The following SUCLG2 variants were observed in gnomAD, a reference collection of about 807,000 sequenced individuals.
SUCLG2 encodes the protein succinate-CoA ligase GDP-forming subunit beta.
A neutral mutation model predicts 47.9 loss-of-function variants in SUCLG2; 42 were observed. The observed-to-expected ratio is 0.88, with a 90% CI of 0.69 to 1.14. The LOEUF (loss-of-function observed/expected upper bound fraction) is 1.14, where lower values mean the gene tolerates loss of function less well. SUCLG2 is among the 50% of genes most tolerant of loss of function. The probability of loss-of-function intolerance (pLI) is 0.00; values close to 1 mark genes in which losing one functional copy is unlikely to be tolerated. For missense variants in SUCLG2, 571 were observed against 525.9 expected, an observed-to-expected ratio of 1.09 and a Z score of -0.84; for synonymous variants, 195 against 197.3, an observed-to-expected ratio of 0.99 and a Z score of 0.10.
intron 2 of SUCLG2, among the ~76,000 whole-genome samples, chr3:67,600,035 A>G (rs1708383356): frequency 6.6e-6 from 1 of 152,256 alleles, no homozygotes; most frequent in Non-Finnish European, 1.5e-5. Context: ...TCTTAAAAGC[A>G]TAATTCCATA....
intron 9 of SUCLG2, among the ~76,000 whole-genome samples, chr3:67,406,310 T>C (rs757457969): frequency 7.2e-5 from 11 of 152,200 alleles, no homozygotes; most frequent in South Asian, 2.1e-4. Context: ...CCTGTGCTTG[T>C]AGGCAGTAGC....
chr3:67,606,614 A>G (rs1208071794), intron 2 of SUCLG2, among the ~76,000 whole-genome samples: 1 of 152,212 alleles, frequency 6.6e-6, no homozygotes, highest in African/African-American at 2.4e-5. Context: ...TCTATTATCA[A>G]AGTTCACTGA....
intron 1 of SUCLG2, among the ~76,000 whole-genome samples, chr3:67,625,204 T>G (rs2107341806): frequency 6.6e-6 from 1 of 152,308 alleles, no homozygotes; most frequent in South Asian, 2.1e-4. Flanking sequence ...ATGACAGTTC[T>G]GGGAGTTGAT....
chr3:67,593,208 A>G (rs1024210029), intron 2 of SUCLG2, among the ~76,000 whole-genome samples: 3 of 152,364 alleles, frequency 2.0e-5, no homozygotes, highest in Non-Finnish European at 2.9e-5. Flanking sequence ...TCTCGCAATA[A>G]TAACTAAAAG....
intron 2 of SUCLG2, among the ~76,000 whole-genome samples, chr3:67,580,201 T>C (rs959662300): frequency 6.6e-6 from 1 of 152,160 alleles, no homozygotes; most frequent in Non-Finnish European, 1.5e-5. Flanking sequence ...TTTTCTAGCA[T>C]ATTCAGATAA....
intron 9 of SUCLG2, among the ~76,000 whole-genome samples, chr3:67,468,029 G>C (rs1191292489): frequency 6.6e-6 from 1 of 152,132 alleles, no homozygotes; most frequent in African/African-American, 2.4e-5. Flanking sequence ...GCTACAAGAG[G>C]GGCAAAAGTG....
intron 9 of SUCLG2, among the ~76,000 whole-genome samples, chr3:67,443,984 G>A (rs1319104642): frequency 2.8e-4 from 32 of 115,440 alleles, no homozygotes; most frequent in East Asian, 1.9e-3. Flanking sequence ...CCCCCGCCCG[G>A]CCAGCCGCCC....
intron 4 of SUCLG2, 50 bp from the exon 5 acceptor site, chr3:67,520,684 T>A: frequency 6.4e-7 from 1 of 1,552,466 alleles, no homozygotes; most frequent in Non-Finnish European, 8.7e-7. Context: ...AGCTGATTTC[T>A]ACTTGGAAAT....
chr3:67,467,151 A>G (rs919118063), intron 9 of SUCLG2, among the ~76,000 whole-genome samples: 2 of 152,182 alleles, frequency 1.3e-5, no homozygotes, highest in Admixed American at 1.3e-4. Flanking sequence ...GAATTTCTAA[A>G]TGTTCTCTAC....
chr3:67,632,782 G>A (rs749952578), intron 1 of SUCLG2, among the ~76,000 whole-genome samples: 9 of 152,132 alleles, frequency 5.9e-5, no homozygotes, highest in Non-Finnish European at 1.0e-4. Flanking sequence ...AGGTCACAAG[G>A]ATACAAACCT....
chr3:67,401,204 G>A (rs905777841), intron 9 of SUCLG2, among the ~76,000 whole-genome samples: 2 of 151,718 alleles, frequency 1.3e-5, no homozygotes, highest in African/African-American at 2.4e-5. Flanking sequence ...TTGCATTTAG[G>A]TTTTTTTCCT....
intron 2 of SUCLG2, among the ~76,000 whole-genome samples, chr3:67,577,178 G>C (rs916193432): frequency 6.6e-6 from 1 of 152,122 alleles, no homozygotes; most frequent in African/African-American, 2.4e-5. Context: ...CAAGCATGGT[G>C]GCACATGCCA....
intron 9 of SUCLG2, among the ~76,000 whole-genome samples, chr3:67,431,605 G>A (rs1703482167): frequency 1.3e-5 from 2 of 152,076 alleles, no homozygotes; most frequent in African/African-American, 2.4e-5. Context: ...GGATGAAGCT[G>A]GAAACCATCA....
chr3:67,392,616 C>A (rs746082026), intron 10 of SUCLG2, among the ~76,000 whole-genome samples: 1 of 152,118 alleles, frequency 6.6e-6, no homozygotes, highest in Non-Finnish European at 1.5e-5. Context: ...TTAGAGAAAA[C>A]GTCCTAATAC....
At position 67,475,805 on chromosome 3, in the gene SUCLG2, C is replaced by T. The variant is rs143991916; in HGVS notation, c.1062+19993G>A. Among the ~76,000 whole-genome samples the T allele has an allele frequency of 2.8e-4, 42 of 151,990 alleles. No individual in the cohort carries two copies. In the East Asian group the frequency reaches 6.0e-3, roughly 22 times the overall value. On this transcript the variant is annotated intron_variant, in intron 9 of 10. Transcript: ENST00000307227. ...CTGGTCTCAAATGATCCTCCCACCT[C>T]GGCCTCCCAAAGTGCTGGGATTACA...
chr3:67,651,455 A>G (rs1575845594), intron 1 of SUCLG2, among the ~76,000 whole-genome samples: 1 of 152,202 alleles, frequency 6.6e-6, no homozygotes, highest in East Asian at 1.9e-4. Context: ...CTCAGGTCTC[A>G]GCTCATATGT....
In SUCLG2 at chr3:67,527,487, GTGAAAGGTAGAT is replaced by G. The variant is rs201984391; in HGVS notation, c.417+633_417+644del. Among the ~76,000 whole-genome samples, 668 of 152,302 alleles carry G rather than the reference GTGAAAGGTAGAT, an allele frequency of 4.4e-3. 8 individuals carry two copies. In the East Asian group the frequency reaches 0.053, roughly 12 times the overall value. The stretch of plus-strand genomic sequence containing the variant: ...AGTGTCTGGATACACAAAAGGGATG[GTGAAAGGTAGAT>G]TGGCAGGAGGGAGAGTTAGGTTCTG... On this transcript the variant is annotated intron_variant, in intron 4 of 10. Transcript: ENST00000307227.
At chr3:67,511,982 C>G (rs1337152095) in intron 6 of SUCLG2, among the ~76,000 whole-genome samples, 1 of 150,964 alleles carries the variant, frequency 6.6e-6, no homozygotes, top group Non-Finnish European at 1.5e-5. Flanking sequence ...TTTCAAATAG[C>G]TGGACTACAG....
rs988391894 is a variant in SUCLG2 at position 67,423,718 on chromosome 3, TA to T, written c.1063-22868del. Among the ~76,000 whole-genome samples, 26 of 152,352 alleles carry T rather than the reference TA, an allele frequency of 1.7e-4. 2 individuals are homozygous for T. Among genetic ancestry groups the T allele is most frequent in the African/African-American group, 5.5e-4 (23 of 41,582 alleles). ...AACTTACTTCTTATTTCCGCTATTTTAAAATAAAAAGCTTTTAGACATTTTA... is the reference window on the plus strand; with the variant it reads ...AACTTACTTCTTATTTCCGCTATTTTAAATAAAAAGCTTTTAGACATTTTA... On this transcript the variant is annotated intron_variant, in intron 9 of 10. Coordinates refer to ENST00000307227, the MANE Select transcript of SUCLG2 (RefSeq NM_003848.4).
Sources: allele counts gnomAD v4.1 joint callset (sites outside exome capture counted in the v4.1 genomes callset), GRCh38; gene constraint gnomAD v4.1.1; transcripts MANE v1.5; gene names NCBI Gene and HGNC (gene_info 2026-07-23, HGNC 2026-07-21).